The following FRMD4B variants were observed in gnomAD, a reference collection of about 807,000 sequenced individuals.
FRMD4B encodes the protein FERM domain-containing protein 4B.
Under a neutral mutation model 141.5 loss-of-function variants are expected in FRMD4B, and 74 were observed. That is an observed-to-expected ratio of 0.52 (90% CI 0.43 to 0.63). The LOEUF (loss-of-function observed/expected upper bound fraction) is 0.63. FRMD4B is among the 30% of genes least tolerant of loss of function. The pLI, the probability that FRMD4B is intolerant of heterozygous loss-of-function variation, is 0.00. For synonymous variants in FRMD4B, 506 were observed against 467.9 expected (o/e 1.08, Z -1.05); for missense variants, 1,366 against 1,253.4 (o/e 1.09, Z -1.36).
chr3:69,529,097 T>C (rs1468508196), intron 1 of FRMD4B, among the ~76,000 whole-genome samples: 1 of 152,062 alleles, frequency 6.6e-6, no homozygotes, highest in East Asian at 1.9e-4. Flanking sequence ...GGCAAAGATG[T>C]AGGGTTGGCC....
At chr3:69,233,575 A>T (rs143010097) in intron 7 of FRMD4B, among the ~76,000 whole-genome samples, 148 of 152,182 alleles carry the variant, frequency 9.7e-4, no homozygotes, top group African/African-American at 3.5e-3. Flanking sequence ...GAAAATGTGT[A>T]TGTGGATGTA....
chr3:69,378,471 T>C (rs1029996079), intron 1 of FRMD4B, among the ~76,000 whole-genome samples: 2 of 152,174 alleles, frequency 1.3e-5, no homozygotes, highest in East Asian at 1.9e-4. Flanking sequence ...CAACCAGTGA[T>C]TGAATAGATA....
intron 1 of FRMD4B, among the ~76,000 whole-genome samples, chr3:69,436,651 T>C (rs1031941024): frequency 2.6e-5 from 4 of 152,178 alleles, no homozygotes; most frequent in Admixed American, 1.3e-4. Context: ...CCAGTGTTCA[T>C]AGAAACATTA....
At chr3:69,438,272 C>T (rs1418883032) in intron 1 of FRMD4B, among the ~76,000 whole-genome samples, 1 of 151,618 alleles carries the variant, frequency 6.6e-6, no homozygotes, top group Non-Finnish European at 1.5e-5. Context: ...ACCTGGGTAA[C>T]TTTTAATTTT....
intron 1 of FRMD4B, among the ~76,000 whole-genome samples, chr3:69,463,361 T>C (rs1705733485): frequency 6.6e-6 from 1 of 152,248 alleles, no homozygotes; most frequent in South Asian, 2.1e-4. Flanking sequence ...ACTTGGTATA[T>C]TTTGAGTTTT....
At chr3:69,247,806 A>G (rs1392646178) in intron 7 of FRMD4B, among the ~76,000 whole-genome samples, 1 of 152,102 alleles carries the variant, frequency 6.6e-6, no homozygotes, top group African/African-American at 2.4e-5. Context: ...CCGCCACCGC[A>G]CCCAGCTAAT....
chr3:69,343,461 T>A (rs1466095565), intron 1 of FRMD4B, among the ~76,000 whole-genome samples: 1 of 152,210 alleles, frequency 6.6e-6, no homozygotes, highest in African/African-American at 2.4e-5. Context: ...CTGTTTGTCT[T>A]AGTTGACATT....
intron 2 of FRMD4B, among the ~76,000 whole-genome samples, chr3:69,396,486 CAG>C (rs1310904602): frequency 2.0e-5 from 3 of 151,064 alleles, no homozygotes; most frequent in Non-Finnish European, 4.4e-5. Context: ...GCCTGGGTGA[CAG>C]AGTGAGACTC....
chr3:69,215,491 CCTT>C (rs1018386828), intron 11 of FRMD4B, among the ~76,000 whole-genome samples: 67 of 151,300 alleles, frequency 4.4e-4, no homozygotes, highest in Non-Finnish European at 8.8e-4. Context: ...CGGGGTTACA[CCTT>C]GTTGGCCAGG....
rs531151239 is a variant in FRMD4B at position 69,468,098 on chromosome 3, T to C, written c.-128-35337A>G. On this transcript the variant is annotated intron_variant, in intron 1 of 5. Coordinates refer to the FRMD4B transcript ENST00000459638. ...CTATCACTTGAAACATGAAAACAGA[T>C]CAAATTTTTCCTGCTACCTTACATT... 3.9e-5 allele frequency among the ~76,000 whole-genome samples: 6 copies of C among 152,322 alleles called. No individual in the cohort carries two copies. In the South Asian group the frequency reaches 1.2e-3, roughly 32 times the overall value.
chr3:69,284,472 G>T (rs887412219), intron 5 of FRMD4B, among the ~76,000 whole-genome samples: 1 of 152,026 alleles, frequency 6.6e-6, no homozygotes, highest in Non-Finnish European at 1.5e-5. Flanking sequence ...TCAGTATGCA[G>T]AACAATTAGC....
intron 14 of FRMD4B, 68 bp from the exon 15 acceptor site, chr3:69,195,432 G>T: frequency 3.8e-6 from 5 of 1,312,140 alleles, no homozygotes; most frequent in Admixed American, 5.6e-5. Flanking sequence ...AAGGGACAAA[G>T]GATTTTTAAG....
At chr3:69,504,439 C>T (rs1575594000) in intron 1 of FRMD4B, among the ~76,000 whole-genome samples, 1 of 152,114 alleles carries the variant, frequency 6.6e-6, no homozygotes, top group African/African-American at 2.4e-5. Context: ...TTTGTCATTC[C>T]TAAAAGAAAC....
intron 22 of FRMD4B, among the ~76,000 whole-genome samples, chr3:69,175,579 A>G (rs2092635242): frequency 2.0e-5 from 3 of 152,166 alleles, no homozygotes; most frequent in African/African-American, 4.8e-5. Flanking sequence ...GAACCTTGGT[A>G]TGAACAGCCT....
chr3:69,252,590 G>A (rs1468026026), intron 5 of FRMD4B, among the ~76,000 whole-genome samples: 1 of 152,100 alleles, frequency 6.6e-6, no homozygotes, highest in African/African-American at 2.4e-5. Flanking sequence ...ACTCATTCAC[G>A]GAGTTTACTA....
intron 1 of FRMD4B, among the ~76,000 whole-genome samples, chr3:69,327,230 G>A (rs576646731): frequency 2.6e-5 from 4 of 152,260 alleles, no homozygotes; most frequent in Admixed American, 6.5e-5. Flanking sequence ...CTCTTTTCCC[G>A]TGAAAAACAA....
At chr3:69,320,085 C>T (rs912647326) in intron 1 of FRMD4B, among the ~76,000 whole-genome samples, 1 of 152,190 alleles carries the variant, frequency 6.6e-6, no homozygotes, top group African/African-American at 2.4e-5. Context: ...CCCAAAGCCA[C>T]ACAGCTAGTT....
rs530869612 is a variant in FRMD4B, at chr3:69,353,037, C to T, written c.162+32791G>A. 1.1e-4 allele frequency among the ~76,000 whole-genome samples: 17 copies of T among 151,964 alleles called. No homozygotes were observed. In the East Asian group the frequency reaches 3.3e-3, roughly 29 times the overall value. ...TTCTGTGTTGCTTACTGACACAGTTCCTGCCCTCTCTCTGTCTTTTCTACA... is the reference window on the plus strand; with the variant it reads ...TTCTGTGTTGCTTACTGACACAGTTTCTGCCCTCTCTCTGTCTTTTCTACA... On this transcript the variant is annotated intron_variant, in intron 1 of 22. Coordinates refer to ENST00000398540, the MANE Select transcript of FRMD4B (RefSeq NM_015123.3).
At chr3:69,365,431 C>T (rs1343894994) in intron 1 of FRMD4B, among the ~76,000 whole-genome samples, 1 of 152,050 alleles carries the variant, frequency 6.6e-6, no homozygotes, top group Admixed American at 6.6e-5. Flanking sequence ...TGGTATAAAT[C>T]AAAGTTGCTA....
Sources: allele counts gnomAD v4.1 joint callset (sites outside exome capture counted in the v4.1 genomes callset), GRCh38; gene constraint gnomAD v4.1.1; transcripts MANE v1.5; gene names NCBI Gene and HGNC (gene_info 2026-07-23, HGNC 2026-07-21).